Variants in AFG2A observed in about 807,000 individuals in gnomAD.
The protein encoded by AFG2A is AAA ATPase AFG2A.
At chr4:123,117,889 G>A in the AFG2A span, among the ~76,000 whole-genome samples, 3 of 151,658 alleles carry the variant, frequency 2.0e-5, no homozygotes, top group Non-Finnish European at 4.4e-5. Context: ...GACCAGCCAG[G>A]GCTACGCAAC....
chr4:123,292,324 G>A, the AFG2A span, among the ~76,000 whole-genome samples: 6 of 151,886 alleles, frequency 4.0e-5, no homozygotes, highest in African/African-American at 4.8e-5. Flanking sequence ...GGATCTCATC[G>A]AGCAACTTAA....
chr4:123,283,358 A>AAGAGAGAG, the AFG2A span, among the ~76,000 whole-genome samples: 3 of 149,000 alleles, frequency 2.0e-5, no homozygotes, highest in African/African-American at 4.9e-5. Context: ...GGAAAAAAAA[A>AAGAGAGAG]AGAGAGAGAG....
At chr4:123,189,821 T>TTTC in the AFG2A span, among the ~76,000 whole-genome samples, 11 of 138,270 alleles carry the variant, frequency 8.0e-5, no homozygotes, top group Non-Finnish European at 1.7e-4. Flanking sequence ...TTTTTTTTTT[T>TTTC]TTTTTTTTTT....
the AFG2A span, among the ~76,000 whole-genome samples, chr4:123,200,011 T>C: frequency 2.6e-5 from 4 of 152,224 alleles, no homozygotes; most frequent in South Asian, 8.3e-4. Flanking sequence ...GTAAAAGATA[T>C]CTTTGGATGC....
At chr4:123,063,755 A>G in the AFG2A span, among the ~76,000 whole-genome samples, 1 of 151,576 alleles carries the variant, frequency 6.6e-6, no homozygotes, top group African/African-American at 2.4e-5. Flanking sequence ...AAAAAAAAAA[A>G]GAAGAAGAAG....
the AFG2A span, among the ~76,000 whole-genome samples, chr4:123,026,746 ATACT>A: frequency 1.3e-5 from 2 of 152,224 alleles, no homozygotes; most frequent in Non-Finnish European, 2.9e-5. Context: ...GGGTCTATAC[ATACT>A]TGTAAAGAAA....
the AFG2A span, among the ~76,000 whole-genome samples, chr4:123,129,978 A>G: frequency 6.6e-6 from 1 of 152,054 alleles, no homozygotes; most frequent in African/African-American, 2.4e-5. Flanking sequence ...AACTTGACCA[A>G]CATAGCTGGT....
chr4:122,944,699 G>T, the AFG2A span, among the ~76,000 whole-genome samples: 1 of 152,180 alleles, frequency 6.6e-6, no homozygotes, highest in African/African-American at 2.4e-5. Flanking sequence ...TCCTTTGGAA[G>T]AGGAGAGGCA....
chr4:123,096,962 G>A, the AFG2A span, among the ~76,000 whole-genome samples: 6 of 151,930 alleles, frequency 3.9e-5, no homozygotes, highest in Non-Finnish European at 7.4e-5. Flanking sequence ...TTGAAGTTGG[G>A]TTTTGTTGTT....
chr4:123,001,770 T>C, the AFG2A span, among the ~76,000 whole-genome samples: 1 of 152,182 alleles, frequency 6.6e-6, no homozygotes, highest in African/African-American at 2.4e-5. Context: ...CTGAGAAGAA[T>C]GTATATTCTG....
the AFG2A span, among the ~76,000 whole-genome samples, chr4:122,990,838 C>G: frequency 6.6e-6 from 1 of 152,246 alleles, no homozygotes; most frequent in Non-Finnish European, 1.5e-5. Flanking sequence ...ATCCTCCTGC[C>G]TCAGCCTCCC....
chr4:122,976,035 A>G, the AFG2A span, among the ~76,000 whole-genome samples: 7 of 152,202 alleles, frequency 4.6e-5, no homozygotes, highest in Admixed American at 4.6e-4. Flanking sequence ...TTCTGTTTAT[A>G]TATAAAAGTT....
chr4:123,062,374 G>C, the AFG2A span, among the ~76,000 whole-genome samples: 1 of 152,070 alleles, frequency 6.6e-6, no homozygotes, highest in Admixed American at 6.5e-5. Flanking sequence ...ACAATCATCT[G>C]CAGTACTTTG....
the AFG2A span, among the ~76,000 whole-genome samples, chr4:123,309,611 T>C: frequency 6.6e-6 from 1 of 152,184 alleles, no homozygotes; most frequent in Non-Finnish European, 1.5e-5. Context: ...TAAAATTCTA[T>C]TGTGCACCAT....
chr4:123,291,609 C>T, the AFG2A span, among the ~76,000 whole-genome samples: 1 of 152,160 alleles, frequency 6.6e-6, no homozygotes, highest in Non-Finnish European at 1.5e-5. Context: ...CTTGGCTCCC[C>T]ATGGGAGAAG....
the AFG2A span, among the ~76,000 whole-genome samples, chr4:123,115,140 C>A: frequency 6.6e-6 from 1 of 152,108 alleles, no homozygotes. Context: ...CTGGGCTGGG[C>A]TGCCGTCCAA....
the AFG2A span, among the ~76,000 whole-genome samples, chr4:122,941,542 G>A: frequency 5.3e-5 from 8 of 152,234 alleles, no homozygotes; most frequent in Non-Finnish European, 8.8e-5. Flanking sequence ...GGCTGAGACA[G>A]TGGGGTTTTC....
chr4:123,005,733 T>A, the AFG2A span, among the ~76,000 whole-genome samples: 28 of 152,242 alleles, frequency 1.8e-4, no homozygotes. Context: ...CCTTGGTACA[T>A]CTTTAAATTA....
the AFG2A span, among the ~76,000 whole-genome samples, chr4:122,980,707 T>C: frequency 6.6e-6 from 1 of 152,202 alleles, no homozygotes; most frequent in Non-Finnish European, 1.5e-5. Flanking sequence ...TGAGGTGATA[T>C]CTCATTATAG....
Sources: gnomAD v4.1 joint callset for allele counts (sites outside exome capture counted in the v4.1 genomes callset) on GRCh38, gnomAD v4.1.1 for gene constraint, MANE v1.5 for transcripts, NCBI Gene and HGNC (gene_info 2026-07-23, HGNC 2026-07-21) for gene names.